GRIN2B: variants seen among roughly 807,000 people sequenced by gnomAD.
GRIN2B encodes glutamate ionotropic receptor NMDA type subunit 2B.
GRIN2B carries 5 observed loss-of-function variants against 114.5 expected under a neutral mutation model. That is an observed-to-expected ratio of 0.04 (90% CI 0.02 to 0.09). GRIN2B has a LOEUF of 0.09. GRIN2B is among the 10% of genes least tolerant of loss of function. The pLI is 1.00. For missense variants in GRIN2B, 1,108 were observed against 1,943.5 expected (o/e 0.57, Z 8.08); for synonymous variants, 787 against 745.1 (o/e 1.06, Z -0.92).
At chr12:13,643,642 T>C (rs1450716429) in intron 5 of GRIN2B, among the ~76,000 whole-genome samples, 1 of 152,180 alleles carries the variant, frequency 6.6e-6, no homozygotes, top group Non-Finnish European at 1.5e-5. Context: ...CATTATTTGA[T>C]AGCATTTTAC....
intron 2 of GRIN2B, among the ~76,000 whole-genome samples, chr12:13,884,915 A>G (rs1314152471): frequency 6.6e-6 from 1 of 152,138 alleles, no homozygotes; most frequent in East Asian, 1.9e-4. Context: ...AAAAGTAGAG[A>G]CTTAAGAAGG....
chr12:13,932,982 T>C (rs3082856), intron 2 of GRIN2B, among the ~76,000 whole-genome samples: 1,436 of 120,396 alleles, frequency 0.012, 13 homozygotes, highest in African/African-American at 0.028. Flanking sequence ...TGTGTGTGTG[T>C]GTGTGCGTGT....
rs1175695744 is a variant in GRIN2B at position 13,611,780 on chromosome 12, A to T, written c.1725T>A (p.Phe575Leu). 1 of 1,613,738 alleles carries T rather than the reference A, an allele frequency of 6.2e-7. No individual in the cohort carries two copies. ...MLLIVSAVAV[F>L]VFEYFSPVGY... ...CCACAGGGCTGAAGTACTCAAAGAC[A>T]AAGACAGCCACGGCTGAGACGATGA... The change falls in exon 9 of 14, where the codon TTT (phenylalanine) becomes TTA (leucine). Residue 575 changes from phenylalanine to leucine, a missense_variant. This residue lies in a region of GRIN2B where 24 missense variants were observed against 38.1 expected (regional missense o/e 0.63). Transcript: ENST00000609686.
chr12:13,894,118 T>C (rs978899143), intron 2 of GRIN2B, among the ~76,000 whole-genome samples: 3 of 152,084 alleles, frequency 2.0e-5, no homozygotes, highest in Non-Finnish European at 4.4e-5. Context: ...CACATATTAC[T>C]ACAGTGAATA....
intron 3 of GRIN2B, among the ~76,000 whole-genome samples, chr12:13,766,981 G>A (rs952410745): frequency 7.9e-5 from 12 of 152,150 alleles, no homozygotes; most frequent in Admixed American, 6.5e-5. Flanking sequence ...TGTTGGCCGG[G>A]CACGGTGGCT....
intron 2 of GRIN2B, among the ~76,000 whole-genome samples, chr12:13,925,078 T>C (rs1046028976): frequency 6.6e-6 from 1 of 152,194 alleles, no homozygotes; most frequent in Non-Finnish European, 1.5e-5. Flanking sequence ...CCAGGTATCA[T>C]TTAATGCACA....
intron 5 of GRIN2B, among the ~76,000 whole-genome samples, chr12:13,620,163 G>A (rs1217706273): frequency 6.6e-6 from 1 of 152,186 alleles, no homozygotes; most frequent in East Asian, 1.9e-4. Context: ...TAGCTGAGGA[G>A]GTAAGAGTTA....
chr12:13,575,670 C>T (rs78416414), intron 10 of GRIN2B, among the ~76,000 whole-genome samples: 2 of 129,816 alleles, frequency 1.5e-5, no homozygotes, highest in East Asian at 2.0e-4. Flanking sequence ...AAAATGATAA[C>T]AACAATAATA....
intron 10 of GRIN2B, among the ~76,000 whole-genome samples, chr12:13,578,450 G>C (rs553508080): frequency 2.6e-5 from 4 of 152,094 alleles, no homozygotes; most frequent in Non-Finnish European, 5.9e-5. Flanking sequence ...TCCACCTATA[G>C]GTGCTCCCAT....
chr12:13,832,206 GCT>G (rs1164145011), intron 3 of GRIN2B, among the ~76,000 whole-genome samples: 1 of 152,160 alleles, frequency 6.6e-6, no homozygotes, highest in Non-Finnish European at 1.5e-5. Flanking sequence ...TATAAAGCAT[GCT>G]CATAAATCAA....
chr12:13,579,830 C>A (rs1306902114), intron 10 of GRIN2B, among the ~76,000 whole-genome samples: 1 of 152,152 alleles, frequency 6.6e-6, no homozygotes, highest in Non-Finnish European at 1.5e-5. Flanking sequence ...CATACAAGAC[C>A]ACAGAGGTGC....
intron 2 of GRIN2B, among the ~76,000 whole-genome samples, chr12:13,949,439 C>T (rs1186426792): frequency 6.6e-6 from 1 of 152,092 alleles, no homozygotes; most frequent in East Asian, 1.9e-4. Flanking sequence ...GTTTCCAGGA[C>T]CCTTAATCTG....
intron 13 of GRIN2B, among the ~76,000 whole-genome samples, chr12:13,566,477 C>T (rs189079084): frequency 8.5e-4 from 129 of 152,292 alleles, no homozygotes; most frequent in Non-Finnish European, 1.6e-3. Flanking sequence ...GAGTTTTACT[C>T]TTGCTCCAAC....
At chr12:13,950,816 T>G (rs766534941) in intron 2 of GRIN2B, among the ~76,000 whole-genome samples, 1 of 152,182 alleles carries the variant, frequency 6.6e-6, no homozygotes, top group Non-Finnish European at 1.5e-5. Flanking sequence ...AAAATATTAC[T>G]TTGGTAAAGC....
chr12:13,764,757 T>A (rs547692304), intron 3 of GRIN2B, among the ~76,000 whole-genome samples: 1 of 152,256 alleles, frequency 6.6e-6, no homozygotes, highest in Non-Finnish European at 1.5e-5. Flanking sequence ...CCCGGATACT[T>A]TTCCTCTGAT....
At chr12:13,673,056 C>T (rs1950038165) in intron 5 of GRIN2B, among the ~76,000 whole-genome samples, 2 of 152,116 alleles carry the variant, frequency 1.3e-5, no homozygotes, top group Non-Finnish European at 2.9e-5. Flanking sequence ...CCTTTGGAAG[C>T]TTGCATATGG....
chr12:13,951,556 T>G (rs926919679), intron 2 of GRIN2B, among the ~76,000 whole-genome samples: 1 of 152,184 alleles, frequency 6.6e-6, no homozygotes, highest in Non-Finnish European at 1.5e-5. Flanking sequence ...GCCAAGCACA[T>G]GCAATTCATG....
At chr12:13,822,189 T>C (rs1241463968) in intron 3 of GRIN2B, among the ~76,000 whole-genome samples, 1 of 152,138 alleles carries the variant, frequency 6.6e-6, no homozygotes, top group Non-Finnish European at 1.5e-5. Flanking sequence ...ACAATACCTC[T>C]AGGAAAAAAT....
At chr12:13,880,570 A>T (rs1866056528) in intron 2 of GRIN2B, among the ~76,000 whole-genome samples, 1 of 152,210 alleles carries the variant, frequency 6.6e-6, no homozygotes, top group Non-Finnish European at 1.5e-5. Flanking sequence ...TTATTACAGC[A>T]TGGAAATTCC....
Sources: allele counts gnomAD v4.1 joint callset (sites outside exome capture counted in the v4.1 genomes callset), GRCh38; gene constraint gnomAD v4.1.1; regional missense constraint gnomAD v4.1.1; transcripts MANE v1.5; gene names NCBI Gene and HGNC (gene_info 2026-07-23, HGNC 2026-07-21).